The following PRKCA variants were observed in gnomAD, a reference collection of about 807,000 sequenced individuals.
The protein encoded by PRKCA is protein kinase C alpha type.
A neutral mutation model predicts 87.0 loss-of-function variants in PRKCA; 27 were observed. That is an observed-to-expected ratio of 0.31 (90% CI 0.23 to 0.43). The LOEUF is 0.43. PRKCA is among the 20% of genes least tolerant of loss of function. The pLI is 1.00. For synonymous variants in PRKCA, 329 were observed against 311.1 expected, an observed-to-expected ratio of 1.06 and a Z score of -0.61; for missense variants, 518 against 852.3, an observed-to-expected ratio of 0.61 and a Z score of 4.88.
chr17:66,361,398 G>T (rs1356021119), intron 2 of PRKCA, among the ~76,000 whole-genome samples: 1 of 150,986 alleles, frequency 6.6e-6, no homozygotes, highest in South Asian at 2.1e-4. Flanking sequence ...TGTTACCTCC[G>T]CTTCCTGGGT....
chr17:66,328,625 C>G (rs1906135298), intron 2 of PRKCA, among the ~76,000 whole-genome samples: 1 of 151,992 alleles, frequency 6.6e-6, no homozygotes, highest in Non-Finnish European at 1.5e-5. Flanking sequence ...TGGGGAAACC[C>G]TGTCTCTACT....
At chr17:66,524,012 A>G (rs1207350802) in intron 3 of PRKCA, among the ~76,000 whole-genome samples, 4 of 152,010 alleles carry the variant, frequency 2.6e-5, no homozygotes, top group Non-Finnish European at 5.9e-5. Flanking sequence ...GAACTCCTCA[A>G]TTTTTATCCC....
chr17:66,509,945 A>G (rs74729918), intron 3 of PRKCA, among the ~76,000 whole-genome samples: 5,092 of 152,312 alleles, frequency 0.033, 305 homozygotes, highest in African/African-American at 0.12. Flanking sequence ...CCCTAAAGAA[A>G]ATGAAAATAA....
chr17:66,456,888 G>T (rs1598688487), intron 2 of PRKCA, among the ~76,000 whole-genome samples: 2 of 152,328 alleles, frequency 1.3e-5, no homozygotes, highest in African/African-American at 2.4e-5. Flanking sequence ...GGGGATAGCT[G>T]ATGGGAGTTG....
intron 2 of PRKCA, among the ~76,000 whole-genome samples, chr17:66,346,432 A>G (rs1053503034): frequency 1.1e-4 from 17 of 151,076 alleles, no homozygotes; most frequent in African/African-American, 3.6e-4. Context: ...AAAAAATTAG[A>G]GACAGAGTCT....
intron 3 of PRKCA, among the ~76,000 whole-genome samples, chr17:66,550,001 C>G (rs1968276238): frequency 6.6e-6 from 1 of 152,214 alleles, no homozygotes; most frequent in Non-Finnish European, 1.5e-5. Context: ...GCATGTTTCT[C>G]TTTAGACTCT....
chr17:66,649,954 C>T (rs931407332), intron 5 of PRKCA, among the ~76,000 whole-genome samples: 2 of 152,100 alleles, frequency 1.3e-5, no homozygotes, highest in African/African-American at 4.8e-5. Flanking sequence ...AAGAGAGCTC[C>T]GATTGAGAGA....
intron 14 of PRKCA, chr17:66,774,665 T>C: frequency 1.0e-6 from 1 of 986,458 alleles, no homozygotes; most frequent in Non-Finnish European, 1.2e-6. Flanking sequence ...GGCCTCTAAG[T>C]TTTCAGTATC....
intron 5 of PRKCA, among the ~76,000 whole-genome samples, chr17:66,659,360 G>A (rs1319195393): frequency 6.6e-6 from 1 of 152,036 alleles, no homozygotes; most frequent in Non-Finnish European, 1.5e-5. Flanking sequence ...AGAAAATAGG[G>A]TACTCACCTT....
intron 2 of PRKCA, among the ~76,000 whole-genome samples, chr17:66,480,240 AC>A (rs1915719492): frequency 6.6e-6 from 1 of 152,008 alleles, no homozygotes. Context: ...CTCCACTGTT[AC>A]CCATGGGCAT....
intron 5 of PRKCA, among the ~76,000 whole-genome samples, chr17:66,669,601 C>T (rs765240271): frequency 2.7e-4 from 41 of 152,264 alleles, no homozygotes; most frequent in Non-Finnish European, 4.1e-4. Context: ...AAGAAGTCTG[C>T]ATTTAGAAGC....
chr17:66,370,844 G>A (rs1909067235), intron 2 of PRKCA, among the ~76,000 whole-genome samples: 1 of 152,088 alleles, frequency 6.6e-6, no homozygotes, highest in Non-Finnish European at 1.5e-5. Flanking sequence ...TTGATGCCTA[G>A]AGAAGTTAAG....
chr17:66,436,562 T>A (rs1270519774), intron 2 of PRKCA, among the ~76,000 whole-genome samples: 3 of 152,164 alleles, frequency 2.0e-5, no homozygotes, highest in Admixed American at 6.5e-5. Flanking sequence ...GACATAGGTG[T>A]GGAACCAGTT....
intron 3 of PRKCA, among the ~76,000 whole-genome samples, chr17:66,596,362 G>A (rs1374825770): frequency 3.3e-5 from 5 of 152,052 alleles, no homozygotes; most frequent in Admixed American, 6.5e-5. Flanking sequence ...AATTGGATGC[G>A]TTTTTCCTTT....
At chr17:66,579,984 C>T (rs928721453) in intron 3 of PRKCA, among the ~76,000 whole-genome samples, 1 of 152,160 alleles carries the variant, frequency 6.6e-6, no homozygotes, top group Non-Finnish European at 1.5e-5. Context: ...CTCTCTTTCT[C>T]TGCGCCGGAG....
intron 10 of PRKCA, among the ~76,000 whole-genome samples, chr17:66,736,199 TC>T (rs979567094): frequency 6.6e-6 from 1 of 151,542 alleles, no homozygotes; most frequent in African/African-American, 2.4e-5. Flanking sequence ...AGCAAACATT[TC>T]CATGAAAGGT....
intron 3 of PRKCA, among the ~76,000 whole-genome samples, chr17:66,564,963 G>A (rs542493806): frequency 7.4e-4 from 113 of 152,250 alleles, no homozygotes; most frequent in Non-Finnish European, 1.5e-4. Context: ...CTGGGTGATA[G>A]AGTAAGACTC....
chr17:66,765,439 TATATATATATATATATCC>T (rs1187920014), intron 13 of PRKCA, among the ~76,000 whole-genome samples: 7 of 136,946 alleles, frequency 5.1e-5, no homozygotes, highest in African/African-American at 1.9e-4. Context: ...TATATATATA[TATATATATATATATATCC>T]ATATATATAC....
At chr17:66,566,922 G>A (rs940525827) in intron 3 of PRKCA, among the ~76,000 whole-genome samples, 1 of 152,116 alleles carries the variant, frequency 6.6e-6, no homozygotes, top group Non-Finnish European at 1.5e-5. Flanking sequence ...GGGGCAAGAT[G>A]CTTAATGAAA....
Sources: gnomAD v4.1 joint callset for allele counts (sites outside exome capture counted in the v4.1 genomes callset) on GRCh38, gnomAD v4.1.1 for gene constraint, MANE v1.5 for transcripts, NCBI Gene and HGNC (gene_info 2026-07-23, HGNC 2026-07-21) for gene names.